Variants in ZNF721 observed in about 807,000 individuals in gnomAD.
ZNF721 encodes zinc finger protein 721.
ZNF721 carries 2 observed loss-of-function variants against 2.4 expected under a neutral mutation model. That is an observed-to-expected ratio of 0.82 (90% CI 0.34 to 2.58). The LOEUF is 2.58. Among genes scored for constraint, ZNF721 ranks in the 30% most tolerant of loss-of-function variants. The probability of loss-of-function intolerance (pLI) is 0.11; values close to 1 mark genes in which losing one functional copy is unlikely to be tolerated. For synonymous variants in ZNF721, 398 were observed against 381.8 expected, an observed-to-expected ratio of 1.04 and a Z score of -0.50; for missense variants, 1,187 against 1,085.5, an observed-to-expected ratio of 1.09 and a Z score of -1.31.
intron 1 of ZNF721, 87 bp from the exon 2 acceptor site, chr4:472,788 G>T: frequency 1.3e-6 from 2 of 1,546,940 alleles, no homozygotes; most frequent in South Asian, 1.2e-5. Context: ...ACATGTGACT[G>T]ACTGGGATTA....
chr4:460,585 T>C (rs1715031512), intron 2 of ZNF721, among the ~76,000 whole-genome samples: 1 of 133,304 alleles, frequency 7.5e-6, no homozygotes, highest in Non-Finnish European at 1.6e-5. Context: ...ATAACTAAGA[T>C]CAGAGCAGAA....
intron 1 of ZNF721, among the ~76,000 whole-genome samples, chr4:492,318 C>T (rs900630540): frequency 6.6e-6 from 1 of 152,052 alleles, no homozygotes; most frequent in Non-Finnish European, 1.5e-5. Flanking sequence ...AGACCTTCTG[C>T]AGTGCACAGA....
rs1330446728 is a variant in ZNF721, at chr4:440,358, TATA to T, written c.*1334_*1336del. The T allele has an allele frequency of 6.6e-6, 1 of 152,218 alleles. No homozygotes were observed. The highest frequency in any genetic ancestry group is 2.4e-5 in the African/African-American group (1 of 41,446). 9.4% of individuals were successfully genotyped at this position (152,218 alleles called of 1,614,324 possible). A position where few individuals can be genotyped will look rare whatever the true frequency, so the allele number is the denominator to read the frequency against. ...CACATAAATGAGAATGTTGAAATAG[TATA>T]ATTTTAGAGTTGAATTATTTGCTTT... On this transcript the variant is annotated 3_prime_UTR_variant, in exon 3 of 3. Coordinates refer to ENST00000511833, the MANE Select transcript of ZNF721 (RefSeq NM_133474.4).
At position 442,908 on chromosome 4, in the gene ZNF721, C is replaced by G. The variant is rs371278700; in HGVS notation, c.1559G>C (p.Arg520Thr). The change falls in exon 3 of 3, where the codon AGG (arginine) becomes ACG (threonine). Residue 520 changes from arginine (R) to threonine (T), a missense_variant. By Grantham distance (71) the Arg-to-Thr change is moderately conservative. Transcript: ENST00000511833. ...FTSSTTLTKHRRIHTGEKPYT... is the reference protein window; with the variant it reads ...FTSSTTLTKHTRIHTGEKPYT... ...GGGTTTCTCTCCAGTATGAATTCTC[C>G]TATGTTTAGTAAGGGTTGTGGAACT... 2.1e-5 allele frequency: 34 copies of G among 1,610,854 alleles called. No homozygotes were observed. In the African/African-American group the frequency reaches 4.2e-4, roughly 20 times the overall value.
At chr4:461,877 A>T (rs1279708135) in intron 2 of ZNF721, among the ~76,000 whole-genome samples, 3 of 152,172 alleles carry the variant, frequency 2.0e-5, no homozygotes, top group African/African-American at 7.2e-5. Context: ...CATCTCAAAA[A>T]AATAAAAATA....
At chr4:494,784 G>A (rs565278505) in intron 1 of ZNF721, among the ~76,000 whole-genome samples, 4 of 152,216 alleles carry the variant, frequency 2.6e-5, no homozygotes, top group African/African-American at 9.6e-5. Context: ...TTTAGATAGG[G>A]ACTACTGGAT....
rs1560224931 is a variant in ZNF721, at chr4:443,861, A to AT, written c.605_606insA (p.Phe202LeufsTer9). 9 of 1,613,998 alleles carry AT rather than the reference A, an allele frequency of 5.6e-6. No homozygotes were observed. The highest frequency in any genetic ancestry group is 7.6e-6 in the Non-Finnish European group (9 of 1,179,902). Reference sequence around the variant, plus strand: ...ATTCATTCAGGTTTGTGGACCATCCAAAGGCTCTGTCACGATCTTCACCTG... The same window carrying AT: ...ATTCATTCAGGTTTGTGGACCATCCATAAGGCTCTGTCACGATCTTCACCTG... On this transcript the variant is annotated frameshift_variant, in exon 3 of 3. Coordinates refer to ENST00000511833, the MANE Select transcript of ZNF721 (RefSeq NM_133474.4). LOFTEE classifies it low-confidence loss of function (END_TRUNC).
chr4:466,956 C>T (rs1273339701), intron 2 of ZNF721, among the ~76,000 whole-genome samples: 1 of 152,040 alleles, frequency 6.6e-6, no homozygotes, highest in African/African-American at 2.4e-5. Context: ...CGGTGGCTCA[C>T]GCCTGTAATC....
chr4:451,490 C>T (rs975346951), intron 2 of ZNF721, among the ~76,000 whole-genome samples: 5 of 152,270 alleles, frequency 3.3e-5, no homozygotes, highest in African/African-American at 4.8e-5. Context: ...GACCCCTCCT[C>T]GTCTGTGCAC....
chr4:445,012 TCTCA>T (rs1182693242), intron 2 of ZNF721, among the ~76,000 whole-genome samples: 1 of 130,118 alleles, frequency 7.7e-6, no homozygotes, highest in African/African-American at 2.9e-5. Flanking sequence ...TGAGATGGAG[TCTCA>T]CTCTGTCGCC....
intron 1 of ZNF721, among the ~76,000 whole-genome samples, chr4:479,419 G>T (rs1225225530): frequency 6.6e-6 from 1 of 152,180 alleles, no homozygotes; most frequent in East Asian, 1.9e-4. Flanking sequence ...TTATTCTCAT[G>T]GTTGGGCACA....
intron 2 of ZNF721, among the ~76,000 whole-genome samples, chr4:469,502 G>A (rs1346249885): frequency 6.6e-6 from 1 of 152,014 alleles, no homozygotes; most frequent in African/African-American, 2.4e-5. Context: ...GTATATTATC[G>A]AAAGTGATTT....
chr4:445,103 G>A (rs942397349), intron 2 of ZNF721, among the ~76,000 whole-genome samples: 39 of 149,564 alleles, frequency 2.6e-4, no homozygotes, highest in African/African-American at 8.6e-4. Flanking sequence ...TCCTGCCTCA[G>A]CCTCCCCAAT....
chr4:449,195 G>A (rs1714571749), intron 2 of ZNF721, among the ~76,000 whole-genome samples: 1 of 152,050 alleles, frequency 6.6e-6, no homozygotes, highest in Non-Finnish European at 1.5e-5. Context: ...AAAAATATAT[G>A]ATTGTAAAGT....
At position 442,679 on chromosome 4, in the gene ZNF721, C is replaced by A. The variant is rs782475318; in HGVS notation, c.1788G>T (p.Arg596=). Residue 596 remains arginine, a synonymous_variant, in exon 3 of 3, where the codon CGG becomes CGT. Transcript: ENST00000511833. ...KCEECGKAFG[R]YTDLNQHKKI... ...TCTTGTGTTGATTCAGGTCTGTGTA[C>A]CGTCCAAAGGCTTTGCCACACTCTT... The A allele has an allele frequency of 3.1e-6, 5 of 1,613,840 alleles. No homozygotes were observed. In the African/African-American group the frequency reaches 5.3e-5, roughly 17 times the overall value.
rs1553863266 is a variant in ZNF721 at position 442,168 on chromosome 4, G to A, written c.2299C>T (p.His767Tyr). The A allele has an allele frequency of 6.2e-7, 1 of 1,612,724 alleles. No homozygotes were observed. The highest frequency in any genetic ancestry group is 8.5e-7 in the Non-Finnish European group (1 of 1,179,134). Reference sequence around the variant, plus strand: ...TGAATTTTCTCATGTCTATTCAGGTGTGAGGACTGTTTAAACACTTTCCCA... The same window carrying A: ...TGAATTTTCTCATGTCTATTCAGGTATGAGGACTGTTTAAACACTTTCCCA... Reference protein sequence around the residue: ...ECGKVFKQSSHLNRHEKIHTG... With the variant: ...ECGKVFKQSSYLNRHEKIHTG... Residue 767 changes from histidine (H) to tyrosine (Y), a missense_variant, in exon 3 of 3, where the codon CAC becomes TAC. Coordinates refer to ENST00000511833, the MANE Select transcript of ZNF721 (RefSeq NM_133474.4).
At chr4:445,890 G>A (rs782440174) in intron 2 of ZNF721, among the ~76,000 whole-genome samples, 1 of 152,058 alleles carries the variant, frequency 6.6e-6, no homozygotes, top group Non-Finnish European at 1.5e-5. Flanking sequence ...TATAAGTGTG[G>A]TCTTATAAGA....
At chr4:475,501 A>G (rs1202969861) in intron 1 of ZNF721, among the ~76,000 whole-genome samples, 1 of 152,118 alleles carries the variant, frequency 6.6e-6, no homozygotes, top group African/African-American at 2.4e-5. Context: ...GTCCTAATCT[A>G]CTTTCTGTGG....
intron 2 of ZNF721, among the ~76,000 whole-genome samples, chr4:468,321 T>G (rs989947067): frequency 2.0e-5 from 3 of 151,224 alleles, no homozygotes; most frequent in Non-Finnish European, 4.4e-5. Flanking sequence ...TCCCAGCTAG[T>G]TGGGAGGCTG....
Sources: allele counts gnomAD v4.1 joint callset (sites outside exome capture counted in the v4.1 genomes callset), GRCh38; gene constraint gnomAD v4.1.1; transcripts MANE v1.5; gene names NCBI Gene and HGNC (gene_info 2026-07-23, HGNC 2026-07-21).